The following TCERG1 variants were observed in gnomAD, a reference collection of about 807,000 sequenced individuals.
TCERG1 encodes TATA box binding protein (TBP)-associated factor, RNA polymerase II, S, 150kD.
TCERG1 carries 37 observed loss-of-function variants against 144.7 expected under a neutral mutation model. The observed-to-expected ratio is 0.26, with a 90% CI of 0.20 to 0.34. The LOEUF (loss-of-function observed/expected upper bound fraction) is 0.34, where lower values mean the gene tolerates loss of function less well. Ranked by LOEUF, TCERG1 falls within the 10% of genes least tolerant of loss-of-function variation. The probability of loss-of-function intolerance (pLI) is 1.00; values close to 1 mark genes in which losing one functional copy is unlikely to be tolerated. For synonymous variants in TCERG1, 492 were observed against 458.2 expected, an observed-to-expected ratio of 1.07 and a Z score of -0.94; for missense variants, 1,027 against 1,380.7, an observed-to-expected ratio of 0.74 and a Z score of 4.06.
chr5:146,475,348 A>C (rs1764734345), intron 9 of TCERG1, among the ~76,000 whole-genome samples: 1 of 151,966 alleles, frequency 6.6e-6, no homozygotes, highest in Non-Finnish European at 1.5e-5. Context: ...TATTGTGTAG[A>C]TCAGATGTTT....
At chr5:146,461,479 G>T (rs1430241170) in intron 4 of TCERG1, among the ~76,000 whole-genome samples, 4 of 152,100 alleles carry the variant, frequency 2.6e-5, no homozygotes, top group Non-Finnish European at 5.9e-5. Flanking sequence ...ACCCACTGAA[G>T]TCTTAGATAC....
chr5:146,465,909 A>G (rs984078721), intron 5 of TCERG1, among the ~76,000 whole-genome samples: 5 of 151,460 alleles, frequency 3.3e-5, no homozygotes, highest in Non-Finnish European at 7.4e-5. Flanking sequence ...ATGCCCAGCT[A>G]CTCGGGAGGC....
intron 9 of TCERG1, among the ~76,000 whole-genome samples, chr5:146,477,402 A>G (rs1202366999): frequency 1.3e-5 from 2 of 152,134 alleles, no homozygotes; most frequent in African/African-American, 4.8e-5. Context: ...TTGGGGTTTT[A>G]GCTGCCATGC....
intron 1 of TCERG1, among the ~76,000 whole-genome samples, chr5:146,448,475 G>T (rs1196257026): frequency 2.0e-5 from 3 of 152,186 alleles, no homozygotes; most frequent in African/African-American, 7.2e-5. Flanking sequence ...GTTTTTTTCT[G>T]TATGGGAGAA....
At chr5:146,454,686 C>T (rs1202810629) in intron 1 of TCERG1, among the ~76,000 whole-genome samples, 1 of 152,162 alleles carries the variant, frequency 6.6e-6, no homozygotes, top group Non-Finnish European at 1.5e-5. Context: ...CAACCTCTGC[C>T]TTGCGGGTTC....
chr5:146,453,446 T>C (rs941850188), intron 1 of TCERG1, among the ~76,000 whole-genome samples: 2 of 152,240 alleles, frequency 1.3e-5, no homozygotes, highest in Admixed American at 6.5e-5. Context: ...CCTATGGCTT[T>C]TTACCCTTCA....
rs555910340 is a variant in TCERG1 at position 146,505,322 on chromosome 5, G to C, written c.2781+1316G>C. ...GCAGTCACAGAAGTCTTCATAAAAA[G>C]CTAATCAAATTTTGTCACTCCCCTG... On this transcript the variant is annotated intron_variant, in intron 19 of 22. Coordinates refer to ENST00000679501, the MANE Select transcript of TCERG1 (RefSeq NM_001382548.1). 3.3e-5 allele frequency among the ~76,000 whole-genome samples: 5 copies of C among 152,240 alleles called. No homozygotes were observed. In the East Asian group the frequency reaches 7.7e-4, roughly 24 times the overall value.
chr5:146,457,047 T>G, intron 2 of TCERG1, 136 bp from the exon 3 acceptor site: 1 of 1,156,600 alleles, frequency 8.6e-7, no homozygotes, highest in South Asian at 1.7e-5. Context: ...GACATTTTGC[T>G]TCTATGACAG....
At chr5:146,447,516 G>C (rs1393848853) in intron 1 of TCERG1, 108 bp downstream of exon 1, 11 of 1,437,790 alleles carry the variant, frequency 7.7e-6, no homozygotes, top group Non-Finnish European at 9.4e-6. Flanking sequence ...GCGGAGCCGG[G>C]CGGCCCGGGC....
At chr5:146,505,168 G>A (rs1339312009) in intron 19 of TCERG1, among the ~76,000 whole-genome samples, 1 of 151,728 alleles carries the variant, frequency 6.6e-6, no homozygotes, top group Admixed American at 6.6e-5. Flanking sequence ...TACATTCAGA[G>A]CCATCCTGAG....
At chr5:146,475,469 A>T (rs1764749722) in intron 9 of TCERG1, among the ~76,000 whole-genome samples, 1 of 152,174 alleles carries the variant, frequency 6.6e-6, no homozygotes, top group Non-Finnish European at 1.5e-5. Context: ...GATGCTAGGG[A>T]TGCTCTAAAC....
intron 17 of TCERG1, among the ~76,000 whole-genome samples, 168 bp downstream of exon 17, chr5:146,498,854 A>C (rs1397324136): frequency 6.6e-6 from 1 of 152,170 alleles, no homozygotes; most frequent in Non-Finnish European, 1.5e-5. Context: ...GTATTCTATC[A>C]CTTTACTTAC....
intron 17 of TCERG1, among the ~76,000 whole-genome samples, chr5:146,501,086 T>G (rs1286949245): frequency 6.6e-6 from 1 of 152,162 alleles, no homozygotes; most frequent in Non-Finnish European, 1.5e-5. Flanking sequence ...TGTAATATAT[T>G]ATTATAACCA....
intron 4 of TCERG1, among the ~76,000 whole-genome samples, chr5:146,463,262 C>A (rs182905321): frequency 1.3e-5 from 2 of 152,186 alleles, no homozygotes; most frequent in East Asian, 3.9e-4. Context: ...CTTAATTTTT[C>A]AAGGCGCAGC....
Position 146,507,173 on chromosome 5 carries a change from A to G in TCERG1, c.2927A>G (p.Glu976Gly). ...GAAGCACTTACCAAAAAAAAGAGAG[A>G]GCACTTTAGGCAACTTCTGGATGAA... Reference protein sequence around the residue: ...HIEALTKKKREHFRQLLDETS... With the variant: ...HIEALTKKKRGHFRQLLDETS... The change falls in exon 20 of 23, where the codon GAG (glutamate) becomes GGG (glycine). Residue 976 changes from glutamate to glycine, a missense_variant. Around this residue, in one of 6 missense-constraint regions of TCERG1, gnomAD observed 133 missense variants for 283.2 expected, o/e 0.47. Transcript: ENST00000679501. The surrounding 1 kb of genome is among the most constrained non-coding windows in gnomAD (Gnocchi z 4.6). The G allele has an allele frequency of 6.2e-7, 1 of 1,607,686 alleles. No individual in the cohort carries two copies. The highest frequency in any genetic ancestry group is 8.5e-7 in the Non-Finnish European group (1 of 1,178,312).
In TCERG1 at chr5:146,502,238, A is replaced by G. The variant is rs552625899; in HGVS notation, c.2434-1137A>G. On this transcript the variant is annotated intron_variant, in intron 17 of 22. Coordinates refer to ENST00000679501, the MANE Select transcript of TCERG1 (RefSeq NM_001382548.1). ...AAATGAAGTTGTAAGGGGAAATGAT[A>G]GTGTTAGACTAGGCAGAAGGAATGA... Among the ~76,000 whole-genome samples the G allele has an allele frequency of 2.6e-5, 4 of 152,264 alleles. No individual in the cohort carries two copies. The South Asian group carries it at 8.3e-4, about 32-fold the overall frequency.
rs774550291 is a variant in TCERG1, at chr5:146,482,633, C to A, written c.1979C>A (p.Ala660Asp). Residue 660 changes from alanine to aspartate, a missense_variant, in exon 14 of 23, where the codon GCC (alanine) becomes GAC (aspartate). This residue lies in a region of TCERG1 where 482 missense variants were observed against 632.6 expected (regional missense o/e 0.76). Transcript: ENST00000679501. ...GACATTGACTCAGAGAAAGAAGCTGCCATGGAAGCTGAAATTAAAGCTGCC... is the reference window on the plus strand; with the variant it reads ...GACATTGACTCAGAGAAAGAAGCTGACATGGAAGCTGAAATTAAAGCTGCC... Reference protein sequence around the residue: ...NKDIDSEKEAAMEAEIKAARE... With the variant: ...NKDIDSEKEADMEAEIKAARE... 1 of 1,612,956 alleles carries A rather than the reference C, an allele frequency of 6.2e-7. No homozygotes were observed. Among genetic ancestry groups the A allele is most frequent in the Admixed American group, 1.7e-5 (1 of 59,904 alleles).
chr5:146,456,519 A>G (rs1471270620), intron 2 of TCERG1, among the ~76,000 whole-genome samples: 1 of 152,202 alleles, frequency 6.6e-6, no homozygotes, highest in Non-Finnish European at 1.5e-5. Context: ...TATTTGGGAT[A>G]GATATTTTAT....
chr5:146,510,723 A>AG lies in TCERG1; in HGVS notation c.*82dup. On this transcript the variant is annotated 3_prime_UTR_variant, in exon 23 of 23. Coordinates refer to ENST00000679501, the MANE Select transcript of TCERG1 (RefSeq NM_001382548.1). ...TCAGGTTTTTACATATATGTGCATT[A>AG]GTCAACCTATTGCGAAACCATCTGA... 1 of 1,381,888 alleles carries AG rather than the reference A, an allele frequency of 7.2e-7. No individual in the cohort carries two copies. Among genetic ancestry groups the AG allele is most frequent in the Non-Finnish European group, 9.8e-7 (1 of 1,015,488 alleles). The allele number at this position is 1,381,888 out of a possible 1,614,324, so 85.6% of individuals were successfully genotyped here. A position where few individuals can be genotyped will look rare whatever the true frequency, so the allele number is the denominator to read the frequency against.
Sources: allele counts gnomAD v4.1 joint callset (sites outside exome capture counted in the v4.1 genomes callset), GRCh38; gene constraint gnomAD v4.1.1; regional missense constraint gnomAD v4.1.1; non-coding constraint Gnocchi (gnomAD v3.1); transcripts MANE v1.5; gene names NCBI Gene and HGNC (gene_info 2026-07-23, HGNC 2026-07-21).